Variants in SPEN observed in about 807,000 individuals in gnomAD.
SPEN encodes msx2-interacting protein.
In SPEN, 18 loss-of-function variants were observed where a neutral mutation model predicts 269.9. The observed-to-expected ratio is 0.07, with a 90% CI of 0.05 to 0.10. The LOEUF (loss-of-function observed/expected upper bound fraction) is 0.10. SPEN is among the 10% of genes least tolerant of loss of function. The pLI, the probability that SPEN is intolerant of heterozygous loss-of-function variation, is 1.00. For synonymous variants in SPEN, 1,726 were observed against 1,765.7 expected, an observed-to-expected ratio of 0.98 and a Z score of 0.56; for missense variants, 3,822 against 4,631.2, an observed-to-expected ratio of 0.83 and a Z score of 5.07.
At chr1:15,886,985 T>C (rs768203199) in intron 3 of SPEN, among the ~76,000 whole-genome samples, 1 of 152,142 alleles carries the variant, frequency 6.6e-6, no homozygotes, top group Non-Finnish European at 1.5e-5. Flanking sequence ...GATGATTGAT[T>C]GGTTGATTTT....
Position 15,933,185 on chromosome 1 carries a change from C to T in SPEN, c.6945C>T (p.Ala2315=). Residue 2315 remains alanine (A), a synonymous_variant, in exon 11 of 15, where the codon GCC becomes GCT. Coordinates refer to ENST00000375759, the MANE Select transcript of SPEN (RefSeq NM_015001.3). The surrounding 1 kb of genome is among the most constrained non-coding windows in gnomAD (Gnocchi z 5.7). ...AAACCTCACACTCAGTGCCAGAAGC[C>T]AAAGGGTCTAAAGAAGTGGAAGTCA... is the stretch of plus-strand genomic sequence containing the variant. ...SSETSHSVPE[A]KGSKEVEVTL... is the part of the protein sequence containing the mutation. 6.2e-7 allele frequency: 1 copy of T among 1,614,172 alleles called. No homozygotes were observed. Among genetic ancestry groups the T allele is most frequent in the Non-Finnish European group, 8.5e-7 (1 of 1,180,026 alleles).
intron 3 of SPEN, among the ~76,000 whole-genome samples, chr1:15,884,399 T>G (rs1025070083): frequency 7.2e-5 from 11 of 152,200 alleles, no homozygotes; most frequent in African/African-American, 2.7e-4. Context: ...TTCTTCCAAG[T>G]TCAAGTAGAA....
intron 8 of SPEN, among the ~76,000 whole-genome samples, chr1:15,920,490 G>A (rs2071108039): frequency 6.6e-6 from 1 of 152,144 alleles, no homozygotes; most frequent in South Asian, 2.1e-4. Context: ...ATTCTTTGTT[G>A]TTCTTAATTT....
At position 15,928,466 on chromosome 1, in the gene SPEN, T is replaced by C. The variant is rs1268706701; in HGVS notation, c.2226T>C (p.Ser742=). The part of the protein sequence containing the change: ...RRPQSPGASP[S]QAERLPSDSE... ...CACAGAGTCCTGGAGCGTCTCCCTC[T>C]CAGGCAGAGAGGTTGCCGAGTGATT... is the stretch of plus-strand genomic sequence containing the variant. The change falls in exon 11 of 15, where the codon TCT becomes TCC. Residue 742 remains serine (S), a synonymous_variant. Transcript: ENST00000375759. The surrounding 1 kb of genome is among the most constrained non-coding windows in gnomAD (Gnocchi z 5.7). 6.2e-7 allele frequency: 1 copy of C among 1,613,976 alleles called. No individual in the cohort carries two copies. Among genetic ancestry groups the C allele is most frequent in the Non-Finnish European group, 8.5e-7 (1 of 1,180,034 alleles).
At position 15,935,964 on chromosome 1, in the gene SPEN, GCCCCCA is replaced by G. The variant is rs773711901; in HGVS notation, c.9735_9740del (p.Thr3246_Pro3247del). On this transcript the variant is annotated inframe_deletion, in exon 11 of 15. Coordinates refer to ENST00000375759, the MANE Select transcript of SPEN (RefSeq NM_015001.3). This position sits in a 1 kb window ranked among gnomAD's most constrained non-coding sequence, Gnocchi z 7.7. ...TGCCAAGACACCAGATGCCAAAGCT[GCCCCCA>G]CCCCCACCCCTGCCCCCGTCCCTGT... 3.7e-4 allele frequency: 585 copies of G among 1,568,116 alleles called. No individual in the cohort carries two copies. The highest frequency in any genetic ancestry group is 8.8e-4 in the Admixed American group (47 of 53,688).
At chr1:15,854,703 A>G (rs952855056) in intron 1 of SPEN, among the ~76,000 whole-genome samples, 3 of 151,904 alleles carry the variant, frequency 2.0e-5, no homozygotes, top group Non-Finnish European at 2.9e-5. Flanking sequence ...CTGGTCTCGA[A>G]CTCTTAACCT....
At chr1:15,909,179 C>T (rs972642962) in intron 3 of SPEN, 142 bp from the exon 4 acceptor site, 14 of 782,908 alleles carry the variant, frequency 1.8e-5, no homozygotes, top group East Asian at 2.5e-5. Flanking sequence ...AGGTAGAGTA[C>T]GAGATAGATG....
At chr1:15,906,780 T>TC (rs1254226737) in intron 3 of SPEN, among the ~76,000 whole-genome samples, 1 of 143,188 alleles carries the variant, frequency 7.0e-6, no homozygotes. Flanking sequence ...CATCTTTTTT[T>TC]TTTTTTTTTT....
At chr1:15,883,760 T>C (rs997192282) in intron 3 of SPEN, among the ~76,000 whole-genome samples, 3 of 151,582 alleles carry the variant, frequency 2.0e-5, no homozygotes, top group African/African-American at 7.3e-5. Flanking sequence ...TCAAAAGTTA[T>C]CTATAACCCT....
chr1:15,861,940 G>T (rs2148705776), intron 1 of SPEN, among the ~76,000 whole-genome samples: 1 of 152,296 alleles, frequency 6.6e-6, no homozygotes, highest in South Asian at 2.1e-4. Flanking sequence ...TACTCAGGAG[G>T]CTGAGGCAGG....
chr1:15,901,466 GTC>G (rs1285276350), intron 3 of SPEN, among the ~76,000 whole-genome samples: 7 of 151,386 alleles, frequency 4.6e-5, no homozygotes, highest in African/African-American at 1.7e-4. Context: ...GCAAGACCCT[GTC>G]TCTACTAAAA....
At chr1:15,919,166 C>G (rs1270525120) in intron 7 of SPEN, 115 bp downstream of exon 7, 13 of 898,592 alleles carry the variant, frequency 1.4e-5, no homozygotes, top group Admixed American at 2.9e-5. Flanking sequence ...AGACAGATAA[C>G]CATAAAAGTG....
At position 15,909,605 on chromosome 1, in the gene SPEN, C is replaced by T. The variant is rs545759997; in HGVS notation, c.1042+124C>T. On this transcript the variant is annotated intron_variant, in intron 4 of 14. Transcript: ENST00000375759. ...TGGAAAACCCATTTCGAAATATTAA[C>T]GTTTTAAATGAGGAAAGCCATGAAT... 8.7e-5 allele frequency: 89 copies of T among 1,019,102 alleles called. No individual in the cohort carries two copies. In the East Asian group the frequency reaches 1.7e-3, roughly 20 times the overall value. 63.1% of individuals were successfully genotyped at this position (1,019,102 alleles called of 1,614,324 possible).
chr1:15,885,084 C>T (rs987338124), intron 3 of SPEN, among the ~76,000 whole-genome samples: 2 of 151,956 alleles, frequency 1.3e-5, no homozygotes, highest in East Asian at 1.9e-4. Context: ...GATCATTTTT[C>T]GGTGATGATC....
In SPEN at chr1:15,848,778, G is replaced by A. The variant is rs940305010; in HGVS notation, c.83+628G>A. On this transcript the variant is annotated intron_variant, in intron 1 of 14. Coordinates refer to ENST00000375759, the MANE Select transcript of SPEN (RefSeq NM_015001.3). This position sits in a 1 kb window ranked among gnomAD's most constrained non-coding sequence, Gnocchi z 5.1. ...GTTTCTCGTTTTTGCGGGGCTGGGT[G>A]GAGAGTGGTGTGAAATAAGTTGGTG... Among the ~76,000 whole-genome samples, 1 of 152,168 alleles carries A rather than the reference G, an allele frequency of 6.6e-6. No individual in the cohort carries two copies. Among genetic ancestry groups the A allele is most frequent in the Admixed American group, 6.5e-5 (1 of 15,268 alleles).
At chr1:15,881,752 A>G (rs1292962914) in intron 3 of SPEN, among the ~76,000 whole-genome samples, 6 of 152,172 alleles carry the variant, frequency 3.9e-5, no homozygotes, top group Non-Finnish European at 8.8e-5. Context: ...CTCTTTAATT[A>G]TATTGAATTC....
chr1:15,862,019 G>T (rs1194005735), intron 1 of SPEN, among the ~76,000 whole-genome samples: 1 of 152,158 alleles, frequency 6.6e-6, no homozygotes, highest in Non-Finnish European at 1.5e-5. Flanking sequence ...TCCAGCCTGG[G>T]TGACAGAGTG....
At chr1:15,855,498 C>T (rs939293178) in intron 1 of SPEN, among the ~76,000 whole-genome samples, 3 of 152,000 alleles carry the variant, frequency 2.0e-5, no homozygotes, top group South Asian at 2.1e-4. Flanking sequence ...TAACATATAG[C>T]GATTTGTCTT....
intron 5 of SPEN, among the ~76,000 whole-genome samples, chr1:15,912,576 C>T (rs537812349): frequency 1.5e-4 from 23 of 152,190 alleles, no homozygotes; most frequent in African/African-American, 5.3e-4. Context: ...AAAACTGGCA[C>T]GGAATTGTTA....
Sources: allele counts gnomAD v4.1 joint callset (sites outside exome capture counted in the v4.1 genomes callset), GRCh38; gene constraint gnomAD v4.1.1; non-coding constraint Gnocchi (gnomAD v3.1); transcripts MANE v1.5; gene names NCBI Gene and HGNC (gene_info 2026-07-23, HGNC 2026-07-21).